The following ALX4 variants were observed in gnomAD, a reference collection of about 807,000 sequenced individuals.
ALX4 encodes homeobox protein aristaless-like 4.
In ALX4, 22 loss-of-function variants were observed where a neutral mutation model predicts 40.6. That is an observed-to-expected ratio of 0.54 (90% CI 0.39 to 0.77). The LOEUF is 0.77. ALX4 is among the 30% of genes least tolerant of loss of function. The pLI is 0.00. For synonymous variants in ALX4, 266 were observed against 240.5 expected (o/e 1.11, Z -0.98); for missense variants, 556 against 564.8 (o/e 0.98, Z 0.16).
At chr11:44,303,796 A>G (rs1266866114) in intron 1 of ALX4, among the ~76,000 whole-genome samples, 1 of 152,164 alleles carries the variant, frequency 6.6e-6, no homozygotes, top group African/African-American at 2.4e-5. Context: ...CTTCCGCATC[A>G]CCAAATTTTT....
At chr11:44,306,288 G>T (rs1265024688) in intron 1 of ALX4, among the ~76,000 whole-genome samples, 1 of 152,230 alleles carries the variant, frequency 6.6e-6, no homozygotes, top group Admixed American at 6.5e-5. Flanking sequence ...GACGCTTGCA[G>T]CCCGGGAGGG....
chr11:44,280,798 G>A (rs1173245960), intron 1 of ALX4, among the ~76,000 whole-genome samples: 1 of 152,206 alleles, frequency 6.6e-6, no homozygotes, highest in Non-Finnish European at 1.5e-5. Context: ...GCCATAGACT[G>A]CTTTTGATGA....
chr11:44,279,269 C>G (rs1565002882), intron 1 of ALX4, among the ~76,000 whole-genome samples: 1 of 152,230 alleles, frequency 6.6e-6, no homozygotes, highest in Non-Finnish European at 1.5e-5. Context: ...TTCCCCATGA[C>G]AGCCCTGTCC....
rs528869776 is a variant in ALX4, at chr11:44,266,470, C to T, written c.906+1024G>A. ...GCCTCACCTCCAGGCCTGTGCCCTGCCCTCCTGCCCCATGAATCCTGGGCT... is the reference window on the plus strand; with the variant it reads ...GCCTCACCTCCAGGCCTGTGCCCTGTCCTCCTGCCCCATGAATCCTGGGCT... On this transcript the variant is annotated intron_variant, in intron 3 of 3. Transcript: ENST00000652299. 2.4e-4 allele frequency among the ~76,000 whole-genome samples: 36 copies of T among 152,354 alleles called. No individual in the cohort carries two copies. In the East Asian group the frequency reaches 6.2e-3, roughly 26 times the overall value.
At chr11:44,307,069 G>T (rs541795196) in intron 1 of ALX4, among the ~76,000 whole-genome samples, 7 of 151,570 alleles carry the variant, frequency 4.6e-5, no homozygotes, top group Non-Finnish European at 7.4e-5. Context: ...TGCAGTTTAT[G>T]ACCCAGAGCA....
chr11:44,295,298 G>A (rs1956396781), intron 1 of ALX4, among the ~76,000 whole-genome samples: 1 of 152,250 alleles, frequency 6.6e-6, no homozygotes, highest in African/African-American at 2.4e-5. Context: ...GCTGAAATCT[G>A]TTTCCAGGTC....
intron 1 of ALX4, among the ~76,000 whole-genome samples, chr11:44,296,271 A>C (rs1229356205): frequency 2.0e-5 from 3 of 152,236 alleles, no homozygotes; most frequent in African/African-American, 7.2e-5. Flanking sequence ...GGAAGAATGA[A>C]GTTGGAGAGC....
intron 1 of ALX4, among the ~76,000 whole-genome samples, chr11:44,284,868 TA>T (rs1295283413): frequency 6.6e-6 from 1 of 151,582 alleles, no homozygotes; most frequent in Non-Finnish European, 1.5e-5. Flanking sequence ...TATGGAAGAT[TA>T]AAAAAAAATC....
At chr11:44,306,079 G>A (rs1266449389) in intron 1 of ALX4, among the ~76,000 whole-genome samples, 4 of 152,220 alleles carry the variant, frequency 2.6e-5, no homozygotes, top group African/African-American at 7.2e-5. Flanking sequence ...CCTGGACTCG[G>A]GCAAGGAATT....
chr11:44,301,984 T>C (rs901483415), intron 1 of ALX4, among the ~76,000 whole-genome samples: 2 of 152,038 alleles, frequency 1.3e-5, no homozygotes, highest in African/African-American at 2.4e-5. Flanking sequence ...GGGGGGTGGT[T>C]GGGCCCCACC....
intron 1 of ALX4, among the ~76,000 whole-genome samples, chr11:44,309,231 C>CCCCGCA (rs1411376576): frequency 1.3e-5 from 2 of 151,738 alleles, no homozygotes; most frequent in African/African-American, 2.4e-5. Context: ...CGCAGCCCAG[C>CCCCGCA]GCCAGAGCGC....
At chr11:44,269,488 C>T (rs1475866392) in intron 2 of ALX4, among the ~76,000 whole-genome samples, 1 of 152,210 alleles carries the variant, frequency 6.6e-6, no homozygotes, top group African/African-American at 2.4e-5. Flanking sequence ...ACTCACTTTC[C>T]CCTCCCTAAT....
intron 1 of ALX4, among the ~76,000 whole-genome samples, chr11:44,299,501 C>T (rs1369251103): frequency 6.6e-6 from 1 of 151,922 alleles, no homozygotes; most frequent in Non-Finnish European, 1.5e-5. Context: ...GCTGGGACTA[C>T]AGGCGCCCGC....
intron 3 of ALX4, 141 bp downstream of exon 3, chr11:44,267,353 A>C: frequency 1.8e-6 from 2 of 1,139,532 alleles, no homozygotes; most frequent in South Asian, 1.5e-5. Context: ...TCTGGTATAA[A>C]CAGGCACACC....
chr11:44,265,519 G>A (rs909791912), intron 3 of ALX4, among the ~76,000 whole-genome samples: 8 of 152,072 alleles, frequency 5.3e-5, no homozygotes, highest in South Asian at 2.1e-4. Flanking sequence ...CTCCATCTGC[G>A]GATGGCAGCT....
intron 2 of ALX4, among the ~76,000 whole-genome samples, chr11:44,269,037 C>G (rs76847682): frequency 1.3e-5 from 2 of 152,308 alleles, no homozygotes; most frequent in African/African-American, 4.8e-5. Context: ...CCATCCATCA[C>G]GACCAATGCA....
In ALX4 at chr11:44,309,722, G is replaced by GGCTGCGGCT; in HGVS notation, c.332_340dup (p.Gln111_Gln113dup). The GGCTGCGGCT allele has an allele frequency of 6.4e-7, 1 of 1,564,128 alleles. No homozygotes were observed. The highest frequency in any genetic ancestry group is 8.7e-7 in the Non-Finnish European group (1 of 1,155,764). ...AAGATGCGGTTGCGCGGGCGGCTGG[G>GGCTGCGGCT]GCTGCGGCTGCTGCTGCTGCGGCTG... is the stretch of plus-strand genomic sequence containing the variant. On this transcript the variant is annotated inframe_insertion, in exon 1 of 4. Coordinates refer to ENST00000652299, the MANE Select transcript of ALX4 (RefSeq NM_021926.4).
intron 1 of ALX4, among the ~76,000 whole-genome samples, chr11:44,290,600 T>G (rs1434164386): frequency 6.6e-6 from 1 of 152,192 alleles, no homozygotes; most frequent in Non-Finnish European, 1.5e-5. Flanking sequence ...AGCAATGTTG[T>G]TGGAGAGGTC....
In ALX4 at chr11:44,264,448, G is replaced by A. The variant is rs1458479861; in HGVS notation, c.*406C>T. The A allele has an allele frequency of 9.5e-6, 2 of 209,792 alleles. No homozygotes were observed. The highest frequency in any genetic ancestry group is 1.9e-5 in the Non-Finnish European group (2 of 104,310). 13.0% of individuals were successfully genotyped at this position (209,792 alleles called of 1,614,324 possible). A position where few individuals can be genotyped will look rare whatever the true frequency, so the allele number is the denominator to read the frequency against. On this transcript the variant is annotated 3_prime_UTR_variant, in exon 4 of 4. Transcript: ENST00000652299. ...GTGACCAGGGGACCCCACTAGGAGC[G>A]GGAAGGATGGACAAGACTGGGCTGG... is the stretch of plus-strand genomic sequence containing the variant.
Sources: gnomAD v4.1 joint callset for allele counts (sites outside exome capture counted in the v4.1 genomes callset) on GRCh38, gnomAD v4.1.1 for gene constraint, MANE v1.5 for transcripts, NCBI Gene and HGNC (gene_info 2026-07-23, HGNC 2026-07-21) for gene names.